ZHX2: variants seen among roughly 807,000 people sequenced by gnomAD.
ZHX2 encodes zinc fingers and homeoboxes 2.
ZHX2 carries 6 observed loss-of-function variants against 21.9 expected under a neutral mutation model. The observed-to-expected ratio is 0.27, with a 90% confidence interval of 0.15 to 0.54. ZHX2 has a LOEUF of 0.54. ZHX2 is among the 20% of genes least tolerant of loss of function. The probability of loss-of-function intolerance (pLI) is 0.95; values close to 1 mark genes in which losing one functional copy is unlikely to be tolerated. For missense variants in ZHX2, 908 were observed against 1,090.7 expected (o/e 0.83, Z 2.36); for synonymous variants, 434 against 437.1 (o/e 0.99, Z 0.09).
chr8:122,886,326 G>A (rs1819842164), intron 2 of ZHX2, among the ~76,000 whole-genome samples: 1 of 152,208 alleles, frequency 6.6e-6, no homozygotes, highest in Non-Finnish European at 1.5e-5. Context: ...GAGTTCAGGG[G>A]GAGGTATGAA....
chr8:122,841,047 G>A (rs1238516165), intron 1 of ZHX2, among the ~76,000 whole-genome samples: 9 of 152,142 alleles, frequency 5.9e-5, no homozygotes, highest in Non-Finnish European at 1.2e-4. Context: ...CTCTTGTTTC[G>A]AACACTGAGC....
Position 122,907,310 on chromosome 8 carries a change from G to A in ZHX2, c.-220+43771G>A, listed in dbSNP as rs114304274. On this transcript the variant is annotated intron_variant, in intron 2 of 3. Coordinates refer to ENST00000314393, the MANE Select transcript of ZHX2 (RefSeq NM_014943.5). ...ATCAGCATATGTAAGAAGTACATTG[G>A]TTCGGTCTAGAAAGGCGGGACATCT... Among the ~76,000 whole-genome samples, 392 of 152,274 alleles carry A rather than the reference G, an allele frequency of 2.6e-3. 6 individuals carry two copies. Among genetic ancestry groups the A allele is most frequent in the African/African-American group, 9.0e-3 (374 of 41,540 alleles).
In ZHX2 at chr8:122,953,626, G is replaced by A. The variant is rs779230167; in HGVS notation, c.2116G>A (p.Asp706Asn). The change falls in exon 3 of 4, where the codon GAT becomes AAT. Residue 706 changes from aspartate to asparagine, a missense_variant. By Grantham distance (23) the Asp-to-Asn change is conservative. Around this residue, in one of 4 missense-constraint regions of ZHX2, gnomAD observed 431 missense variants for 428.6 expected, o/e 1.01. Transcript: ENST00000314393. This position sits in a 1 kb window ranked among gnomAD's most constrained non-coding sequence, Gnocchi z 4.6. The stretch of plus-strand genomic sequence containing the variant: ...GCCCATGGCAGATGATCACGGCTAC[G>A]ATGCCGTAGCAAGGAAAGCAACAAA... ...HQPMADDHGYDAVARKATKPM... is the reference protein window; with the variant it reads ...HQPMADDHGYNAVARKATKPM... The A allele has an allele frequency of 1.5e-5, 25 of 1,614,106 alleles. No individual in the cohort carries two copies. The Admixed American group carries it at 1.8e-4, about 12-fold the overall frequency.
chr8:122,885,191 T>C (rs1819810896), intron 2 of ZHX2, among the ~76,000 whole-genome samples: 1 of 152,178 alleles, frequency 6.6e-6, no homozygotes, highest in Non-Finnish European at 1.5e-5. Flanking sequence ...CTGTCAGAAC[T>C]TCACTGGCGA....
intron 2 of ZHX2, among the ~76,000 whole-genome samples, chr8:122,870,629 T>C (rs1819407077): frequency 9.5e-6 from 1 of 104,728 alleles, no homozygotes; most frequent in South Asian, 3.4e-4. Context: ...ACAGAGCAAG[T>C]CTCTGTCTCA....
chr8:122,798,416 A>G (rs1210469981), intron 1 of ZHX2, among the ~76,000 whole-genome samples: 1 of 152,162 alleles, frequency 6.6e-6, no homozygotes, highest in East Asian at 1.9e-4. Flanking sequence ...CAGAATGTTG[A>G]TCTCACATCC....
intron 2 of ZHX2, among the ~76,000 whole-genome samples, chr8:122,910,839 C>T (rs569739085): frequency 2.2e-4 from 34 of 152,212 alleles, no homozygotes; most frequent in African/African-American, 7.0e-4. Flanking sequence ...CCATGCATCC[C>T]GTCAAGACCT....
chr8:122,916,210 G>C (rs1323275716), intron 2 of ZHX2, among the ~76,000 whole-genome samples: 1 of 152,178 alleles, frequency 6.6e-6, no homozygotes, highest in Non-Finnish European at 1.5e-5. Flanking sequence ...TCCCAGCAAG[G>C]CTCCAAAGAC....
chr8:122,923,666 G>A (rs1325242020), intron 2 of ZHX2, among the ~76,000 whole-genome samples: 2 of 152,312 alleles, frequency 1.3e-5, no homozygotes, highest in East Asian at 3.9e-4. Context: ...GTCCTGGAAG[G>A]AAAATCTGAG....
intron 1 of ZHX2, among the ~76,000 whole-genome samples, chr8:122,836,478 G>C (rs955831478): frequency 2.0e-5 from 3 of 152,146 alleles, no homozygotes; most frequent in Non-Finnish European, 4.4e-5. Context: ...GTATCGGTTC[G>C]AACCCGGAGA....
At chr8:122,969,240 C>T (rs773051317) in intron 3 of ZHX2, among the ~76,000 whole-genome samples, 17 of 151,630 alleles carry the variant, frequency 1.1e-4, no homozygotes, top group Non-Finnish European at 2.1e-4. Context: ...GGGGATGGGG[C>T]AGGGGGATGT....
Position 122,953,618 on chromosome 8 carries a change from A to G in ZHX2, c.2108A>G (p.His703Arg). The change falls in exon 3 of 4, where the codon CAC becomes CGC. Residue 703 changes from histidine to arginine, a missense_variant. Coordinates refer to ENST00000314393, the MANE Select transcript of ZHX2 (RefSeq NM_014943.5). This position sits in a 1 kb window ranked among gnomAD's most constrained non-coding sequence, Gnocchi z 4.6. ...CAGCACCAGCCCATGGCAGATGATC[A>G]CGGCTACGATGCCGTAGCAAGGAAA... The part of the protein sequence containing the change: ...QYQHQPMADD[H>R]GYDAVARKAT... 1.2e-6 allele frequency: 2 copies of G among 1,614,228 alleles called. No individual in the cohort carries two copies. The highest frequency in any genetic ancestry group is 1.7e-6 in the Non-Finnish European group (2 of 1,180,054).
chr8:122,819,243 G>A (rs1418466653), intron 1 of ZHX2, among the ~76,000 whole-genome samples: 2 of 152,170 alleles, frequency 1.3e-5, no homozygotes, highest in Non-Finnish European at 2.9e-5. Context: ...ACCTACCCAC[G>A]AGGTCACCTT....
In ZHX2 at chr8:122,888,892, CCT is replaced by C. The variant is rs556183907; in HGVS notation, c.-220+25356_-220+25357del. 2.6e-5 allele frequency among the ~76,000 whole-genome samples: 4 copies of C among 152,298 alleles called. No individual in the cohort carries two copies. In the East Asian group the frequency reaches 5.8e-4, roughly 22 times the overall value. ...TCCATTTACCAGCCTCTCCCTATCCCCTCTTTTCTACCCTTCCCAACCTATAG... is the reference window on the plus strand; with the variant it reads ...TCCATTTACCAGCCTCTCCCTATCCCCTTTTCTACCCTTCCCAACCTATAG... On this transcript the variant is annotated intron_variant, in intron 2 of 3. Coordinates refer to ENST00000314393, the MANE Select transcript of ZHX2 (RefSeq NM_014943.5).
chr8:122,830,787 GAC>G (rs1455333261), intron 1 of ZHX2, among the ~76,000 whole-genome samples: 1 of 152,156 alleles, frequency 6.6e-6, no homozygotes, highest in East Asian at 1.9e-4. Flanking sequence ...GAGGCCCTAA[GAC>G]AAAAGTTTGG....
At position 122,939,743 on chromosome 8, in the gene ZHX2, A is replaced by G. The variant is rs28546825; in HGVS notation, c.-219-11549A>G. ...TACACAGGAAATTTAAGAGGTAGGA[A>G]CAAAAGATGAGTAAGAAAAAAATCT... is the stretch of plus-strand genomic sequence containing the variant. On this transcript the variant is annotated intron_variant, in intron 2 of 3. Coordinates refer to ENST00000314393, the MANE Select transcript of ZHX2 (RefSeq NM_014943.5). Among the ~76,000 whole-genome samples, 890 of 152,310 alleles carry G rather than the reference A, an allele frequency of 5.8e-3. 8 individuals carry two copies. The highest frequency in any genetic ancestry group is 0.021 in the African/African-American group (855 of 41,560).
At chr8:122,935,424 C>T (rs1812659161) in intron 2 of ZHX2, among the ~76,000 whole-genome samples, 2 of 152,130 alleles carry the variant, frequency 1.3e-5, no homozygotes, top group Admixed American at 1.3e-4. Context: ...CAGTGAGCCT[C>T]CCCGTTTTCA....
At chr8:122,862,292 G>A (rs2130775033) in intron 1 of ZHX2, among the ~76,000 whole-genome samples, 1 of 152,344 alleles carries the variant, frequency 6.6e-6, no homozygotes, top group East Asian at 1.9e-4. Context: ...CGTGAACGTG[G>A]CTTTGGATCA....
At chr8:122,961,894 G>T (rs76426015) in intron 3 of ZHX2, among the ~76,000 whole-genome samples, 9,338 of 152,234 alleles carry the variant, frequency 0.061, 401 homozygotes, top group South Asian at 0.14. Flanking sequence ...ATCTCAACTT[G>T]CTTACTGCTC....
Sources: allele counts gnomAD v4.1 joint callset (sites outside exome capture counted in the v4.1 genomes callset), GRCh38; gene constraint gnomAD v4.1.1; regional missense constraint gnomAD v4.1.1; non-coding constraint Gnocchi (gnomAD v3.1); transcripts MANE v1.5; gene names NCBI Gene and HGNC (gene_info 2026-07-23, HGNC 2026-07-21).